Variants in NRG2 observed in about 807,000 individuals in gnomAD.
NRG2 encodes pro-neuregulin-2, membrane-bound isoform.
Under a neutral mutation model 73.9 loss-of-function variants are expected in NRG2, and 27 were observed. That is an observed-to-expected ratio of 0.37 (90% CI 0.27 to 0.50). NRG2 has a LOEUF of 0.50. NRG2 is among the 20% of genes least tolerant of loss of function. The pLI is 0.96. For synonymous variants in NRG2, 532 were observed against 541.0 expected (o/e 0.98, Z 0.23); for missense variants, 1,126 against 1,210.1 (o/e 0.93, Z 1.03).
At chr5:139,866,322 C>T (rs1263801886) in intron 4 of NRG2, among the ~76,000 whole-genome samples, 2 of 152,198 alleles carry the variant, frequency 1.3e-5, no homozygotes. Flanking sequence ...GCTGAACTTT[C>T]CATGTAAGTT....
At chr5:139,944,055 T>C (rs1753609710) in intron 1 of NRG2, among the ~76,000 whole-genome samples, 1 of 152,170 alleles carries the variant, frequency 6.6e-6, no homozygotes, top group African/African-American at 2.4e-5. Context: ...TTATTTGATT[T>C]TTTTCAACCC....
At chr5:140,040,262 C>G (rs909743583) in intron 1 of NRG2, among the ~76,000 whole-genome samples, 2 of 152,004 alleles carry the variant, frequency 1.3e-5, no homozygotes, top group African/African-American at 4.8e-5. Context: ...CATTCCTGAT[C>G]CTTGATAATT....
rs576149806 is a variant in NRG2 at position 139,848,483 on chromosome 5, C to A, written c.1987G>T (p.Gly663Trp). 3.7e-6 allele frequency: 5 copies of A among 1,340,456 alleles called. No individual in the cohort carries two copies. The Admixed American group carries it at 2.1e-4, about 55-fold the overall frequency. The allele number at this position is 1,340,456 out of a possible 1,614,324, so 83.0% of individuals were successfully genotyped here. A position where few individuals can be genotyped will look rare whatever the true frequency, so the allele number is the denominator to read the frequency against. Residue 663 changes from glycine (G) to tryptophan (W), a missense_variant, in exon 10 of 10, where the codon GGG becomes TGG. Physicochemically the swap from Gly to Trp is radical, Grantham distance 184 (BLOSUM62 -2). This residue lies in a region of NRG2 where 402 missense variants were observed against 357.8 expected (regional missense o/e 1.12). Transcript: ENST00000361474. ...TGCATGTCTGCGCCGGGCCCGGGCC[C>A]GGGCCCGGGTCCGGGTCCCGGGCCG... ...PPGPGPGPGP[G>W]PGPGADMQRS...
chr5:139,953,000 A>G (rs764976353), intron 1 of NRG2, among the ~76,000 whole-genome samples: 3 of 152,204 alleles, frequency 2.0e-5, no homozygotes, highest in Non-Finnish European at 4.4e-5. Context: ...ACTCTGGAAT[A>G]TGTGCACTAT....
chr5:139,851,615 T>C lies in NRG2; in HGVS notation c.1761A>G (p.Pro587=). The C allele has an allele frequency of 1.9e-6, 3 of 1,613,956 alleles. No homozygotes were observed. The highest frequency in any genetic ancestry group is 2.7e-5 in the African/African-American group (2 of 75,056). Residue 587 remains proline, a synonymous_variant, in exon 9 of 10, where the codon CCA becomes CCG. Coordinates refer to ENST00000361474, the MANE Select transcript of NRG2 (RefSeq NM_004883.3). This position sits in a 1 kb window ranked among gnomAD's most constrained non-coding sequence, Gnocchi z 4.2. The part of the protein sequence containing the change: ...HDSVDSLRDS[P]HSERYVSALT... ...GGGTAGGAACTGACCTCTCGCTGTG[T>C]GGGGAGTCGCGAAGGGAGTCCACGG...
At chr5:140,007,194 C>T (rs1025236595) in intron 1 of NRG2, among the ~76,000 whole-genome samples, 1 of 151,904 alleles carries the variant, frequency 6.6e-6, no homozygotes, top group Non-Finnish European at 1.5e-5. Flanking sequence ...GCTAATAGTG[C>T]CATTGTTGAG....
At chr5:139,996,782 CA>C (rs1379332292) in intron 1 of NRG2, among the ~76,000 whole-genome samples, 2 of 152,110 alleles carry the variant, frequency 1.3e-5, no homozygotes, top group Admixed American at 1.3e-4. Context: ...CTTTTAGTCC[CA>C]AAATGATGGC....
chr5:139,875,147 G>C (rs1763091666), intron 3 of NRG2, among the ~76,000 whole-genome samples: 1 of 152,192 alleles, frequency 6.6e-6, no homozygotes, highest in African/African-American at 2.4e-5. Context: ...AAGTAGCTGG[G>C]ATTACAGGCA....
In NRG2 at chr5:139,865,567, T is replaced by C. The variant is rs996321133; in HGVS notation, c.1171A>G (p.Met391Val). ...AACATACTTTGCTTAGGATCTGGCA[T>C]GTACAATCGCAAAGGCAGTTTCTCC... The part of the protein sequence containing the change: ...CLEKLPLRLY[M>V]PDPKQKAEEL... The change falls in exon 5 of 10, where the codon ATG becomes GTG. Residue 391 changes from methionine (M) to valine (V), a missense_variant. By Grantham distance (21) the Met-to-Val change is conservative. Around this residue, in one of 3 missense-constraint regions of NRG2, gnomAD observed 539 missense variants for 703.2 expected, o/e 0.77. Transcript: ENST00000361474. The surrounding 1 kb of genome is among the most constrained non-coding windows in gnomAD (Gnocchi z 5.2). 3 of 1,612,316 alleles carry C rather than the reference T, an allele frequency of 1.9e-6. No individual in the cohort carries two copies. The highest frequency in any genetic ancestry group is 1.7e-5 in the Admixed American group (1 of 59,334).
intron 1 of NRG2, among the ~76,000 whole-genome samples, chr5:140,026,373 A>C (rs1293045794): frequency 6.6e-6 from 1 of 152,208 alleles, no homozygotes; most frequent in East Asian, 1.9e-4. Context: ...AGATAATAGA[A>C]GAGAACAGAG....
intron 1 of NRG2, among the ~76,000 whole-genome samples, chr5:139,956,421 C>T (rs1754632088): frequency 6.6e-6 from 1 of 151,894 alleles, no homozygotes; most frequent in African/African-American, 2.4e-5. Context: ...TTTGACTTCT[C>T]TCTAAGGGCT....
chr5:139,883,104 C>T (rs1763638213), intron 2 of NRG2, among the ~76,000 whole-genome samples: 1 of 152,142 alleles, frequency 6.6e-6, no homozygotes, highest in African/African-American at 2.4e-5. Context: ...TCCTCACTCC[C>T]AGCTCCAGGT....
At chr5:139,878,480 G>A (rs1763324071) in intron 3 of NRG2, among the ~76,000 whole-genome samples, 1 of 152,172 alleles carries the variant, frequency 6.6e-6, no homozygotes. Flanking sequence ...AAACATGAGA[G>A]AGGCCCATTT....
At position 139,870,615 on chromosome 5, in the gene NRG2, G is replaced by C. The variant is rs1055408862; in HGVS notation, c.1112+1106C>G. Among the ~76,000 whole-genome samples, 18 of 152,160 alleles carry C rather than the reference G, an allele frequency of 1.2e-4. No individual in the cohort carries two copies. The highest frequency in any genetic ancestry group is 3.9e-4 in the African/African-American group (16 of 41,434). On this transcript the variant is annotated intron_variant, in intron 4 of 9. Coordinates refer to ENST00000361474, the MANE Select transcript of NRG2 (RefSeq NM_004883.3). The surrounding 1 kb of genome is among the most constrained non-coding windows in gnomAD (Gnocchi z 4.4). ...CTCTCTGAATCCCCATCAATGTTTT[G>C]GTGGCCTTTGCCCAGATGCCATGGG...
At chr5:139,921,112 G>C (rs769245617) in intron 1 of NRG2, among the ~76,000 whole-genome samples, 1 of 152,142 alleles carries the variant, frequency 6.6e-6, no homozygotes, top group Non-Finnish European at 1.5e-5. Context: ...TAAGTAAATG[G>C]AGAGATATTC....
At chr5:140,014,234 A>ATT (rs34454854) in intron 1 of NRG2, among the ~76,000 whole-genome samples, 1 of 150,928 alleles carries the variant, frequency 6.6e-6, no homozygotes. Context: ...AAAAGCTTGG[A>ATT]TTTTTTTTTC....
Position 139,887,461 on chromosome 5 carries a change from C to G in NRG2, c.751G>C (p.Glu251Gln), listed in dbSNP as rs769843460. The change falls in exon 2 of 10, where the codon GAG (glutamate) becomes CAG (glutamine). Residue 251 changes from glutamate (E) to glutamine (Q), a missense_variant. This residue lies in a region of NRG2 where 539 missense variants were observed against 703.2 expected (regional missense o/e 0.77). Transcript: ENST00000361474. This position sits in a 1 kb window ranked among gnomAD's most constrained non-coding sequence, Gnocchi z 4.5. Reference sequence around the variant, plus strand: ...GCCTCACACTTCAGCGATTGCTTCTCACCCACCTGTCCCGTCTGGCTCTTC... The same window carrying G: ...GCCTCACACTTCAGCGATTGCTTCTGACCCACCTGTCCCGTCTGGCTCTTC... ...KMKSQTGQVG[E>Q]KQSLKCEAAA... is the part of the protein sequence containing the mutation. 1 of 1,614,238 alleles carries G rather than the reference C, an allele frequency of 6.2e-7. No homozygotes were observed. Among genetic ancestry groups the G allele is most frequent in the South Asian group, 1.1e-5 (1 of 91,082 alleles).
intron 1 of NRG2, among the ~76,000 whole-genome samples, chr5:139,952,936 G>A (rs937931734): frequency 5.3e-5 from 8 of 152,188 alleles, no homozygotes; most frequent in African/African-American, 1.9e-4. Flanking sequence ...CCTGGGTGGG[G>A]GTTGCACAGG....
intron 1 of NRG2, among the ~76,000 whole-genome samples, chr5:139,998,644 T>A (rs1758209591): frequency 6.6e-6 from 1 of 152,138 alleles, no homozygotes; most frequent in Admixed American, 6.5e-5. Context: ...AAGTAGAGAA[T>A]CTCAATGCTC....
Sources: gnomAD v4.1 joint callset for allele counts (sites outside exome capture counted in the v4.1 genomes callset) on GRCh38, gnomAD v4.1.1 for gene constraint, gnomAD v4.1.1 regional missense constraint, Gnocchi (gnomAD v3.1) non-coding constraint, MANE v1.5 for transcripts, NCBI Gene and HGNC (gene_info 2026-07-23, HGNC 2026-07-21) for gene names.